Variants in ARSH observed in about 807,000 individuals in gnomAD.
ARSH encodes the protein arylsulfatase family member H.
Under a neutral mutation model 28.7 loss-of-function variants are expected in ARSH, and 32 were observed. The ratio of observed to expected loss-of-function variants is 1.11; its 90% CI spans 0.84 to 1.50. ARSH has a LOEUF of 1.50. ARSH is among the 40% of genes most tolerant of loss of function. The probability of loss-of-function intolerance (pLI) is 0.00; values close to 1 mark genes in which losing one functional copy is unlikely to be tolerated. For missense variants in ARSH, 440 were observed against 452.4 expected (o/e 0.97, Z 0.25); for synonymous variants, 176 against 177.3 (o/e 0.99, Z 0.06).
chrX:3,017,622 C>T (rs2089869545), intron 4 of ARSH, among the ~76,000 whole-genome samples: 1 of 111,743 alleles, frequency 8.9e-6, no homozygotes, highest in Admixed American at 9.6e-5. Flanking sequence ...ATTTATTTCT[C>T]TCTTGGGGTA....
At position 3,014,957 on chromosome X, in the gene ARSH, ATTTTAC is replaced by A; in HGVS notation, c.341-7_341-2del. 1 of 1,202,553 alleles carries A rather than the reference ATTTTAC, an allele frequency of 8.3e-7. No homozygotes were observed. The highest frequency in any genetic ancestry group is 1.1e-6 in the Non-Finnish European group (1 of 889,767). On this transcript the variant is annotated splice_region_variant and splice_polypyrimidine_tract_variant and intron_variant, in intron 3 of 8. Coordinates refer to ENST00000381130, the MANE Select transcript of ARSH (RefSeq NM_001011719.2). ...TGCCATGCTGCCATGGTACGATTTTATTTTACTTTTAGGCAAATGGCACCTGGGTTT... is the reference window on the plus strand; with the variant it reads ...TGCCATGCTGCCATGGTACGATTTTATTTTAGGCAAATGGCACCTGGGTTT...
At chrX:3,028,058 T>C (rs1386913585) in intron 7 of ARSH, among the ~76,000 whole-genome samples, 2 of 110,924 alleles carry the variant, frequency 1.8e-5, no homozygotes, top group African/African-American at 6.6e-5. Flanking sequence ...AGCCGAGATC[T>C]CGTCACTGCA....
At chrX:3,029,077 CA>C (rs377018684) in intron 7 of ARSH, among the ~76,000 whole-genome samples, 169 bp from the exon 8 acceptor site, 12,069 of 80,869 alleles carry the variant, frequency 0.15, 883 homozygotes, top group African/African-American at 0.27. Context: ...GACTCCATTT[CA>C]AAAAAAAAAA....
At chrX:3,016,564 C>T (rs113007951) in intron 4 of ARSH, among the ~76,000 whole-genome samples, 8,664 of 109,924 alleles carry the variant, frequency 0.079, 282 homozygotes, top group Non-Finnish European at 0.099. Context: ...CCAGCTCACT[C>T]CTACGTTACA....
At chrX:3,018,698 T>A (rs377735809) in intron 5 of ARSH, 28 bp downstream of exon 5, 25 of 1,202,037 alleles carry the variant, frequency 2.1e-5, no homozygotes, top group Non-Finnish European at 2.8e-5. Flanking sequence ...GAACTGTAAA[T>A]ATCTGAAGTA....
Position 3,016,286 on chromosome X carries a change from A to G in ARSH, c.764+893A>G, listed in dbSNP as rs1387092878. On this transcript the variant is annotated intron_variant, in intron 4 of 8. Transcript: ENST00000381130. ...TTTGGCCTCCCAAAGTACTGGGGAT[A>G]CACTACGCCTGGCCACTTACCCCTT... 2.7e-5 allele frequency among the ~76,000 whole-genome samples: 3 copies of G among 111,202 alleles called. No individual in the cohort carries two copies. The East Asian group carries it at 8.4e-4, about 31-fold the overall frequency.
chrX:3,018,710 G>A (rs1327764183), intron 5 of ARSH, 40 bp downstream of exon 5: 8 of 1,192,419 alleles, frequency 6.7e-6, no homozygotes, highest in Non-Finnish European at 9.1e-6. Flanking sequence ...TCTGAAGTAC[G>A]GGCTACAGAA....
chrX:3,018,558 CT>C lies in ARSH; in HGVS notation c.796del (p.Ser266ProfsTer28). On this transcript the variant is annotated frameshift_variant, in exon 5 of 9. Coordinates refer to ENST00000381130, the MANE Select transcript of ARSH (RefSeq NM_001011719.2). LOFTEE classifies it high-confidence loss of function. ...GGTACAAAAGGGAACCTTTTCTCCT[CT>C]TTTTTTCCTTCCTGCACGTACATAC... ...ERYKREPFLL[F>X]FSFLHVHTPL... 1 of 1,210,605 alleles carries C rather than the reference CT, an allele frequency of 8.3e-7. No homozygotes were observed. Among genetic ancestry groups the C allele is most frequent in the Non-Finnish European group, 1.1e-6 (1 of 894,916 alleles).
chrX:3,013,071 A>G lies in ARSH; in HGVS notation c.239A>G (p.Asn80Ser), dbSNP rs780303800. 9.5e-5 allele frequency: 115 copies of G among 1,208,680 alleles called. No individual in the cohort carries two copies. The South Asian group carries it at 1.9e-3, about 20-fold the overall frequency. Residue 80 changes from asparagine (N) to serine (S), a missense_variant, in exon 3 of 9, where the codon AAC becomes AGC. By Grantham distance (46) the Asn-to-Ser change is conservative. Transcript: ENST00000381130. ...GGGATGGTGTCTGCCTACAACCTGA[A>G]CCGTGCCTTCACGTGGCTTGGTGGG... ...RSGMVSAYNL[N>S]RAFTWLGGSG...
chrX:3,029,140 C>T, intron 7 of ARSH, 107 bp from the exon 8 acceptor site: 1 of 865,570 alleles, frequency 1.2e-6, no homozygotes, highest in East Asian at 3.3e-5. Flanking sequence ...TCTCTTCCTC[C>T]CCTTCCTTTT....
At chrX:3,020,160 G>A (rs1414618232) in intron 5 of ARSH, among the ~76,000 whole-genome samples, 4 of 104,413 alleles carry the variant, frequency 3.8e-5, no homozygotes, top group Non-Finnish European at 5.8e-5. Context: ...GGTGTCACAC[G>A]CACGCCTTGT....
rs775910561 is a variant in ARSH at position 3,011,448 on chromosome X, C to T, written c.214+1297C>T. Among the ~76,000 whole-genome samples, 3 of 110,714 alleles carry T rather than the reference C, an allele frequency of 2.7e-5. No homozygotes were observed. In the South Asian group the frequency reaches 1.2e-3, roughly 42 times the overall value. On this transcript the variant is annotated intron_variant, in intron 2 of 8. Transcript: ENST00000381130. Reference sequence around the variant, plus strand: ...ATTTTTAGTAGAGATGGGATTTCACCATGTTGGCCAGGCTGGTCTTGAATT... The same window carrying T: ...ATTTTTAGTAGAGATGGGATTTCACTATGTTGGCCAGGCTGGTCTTGAATT...
intron 5 of ARSH, among the ~76,000 whole-genome samples, chrX:3,021,152 G>C (rs771406528): frequency 2.7e-5 from 3 of 109,697 alleles, no homozygotes; most frequent in African/African-American, 9.9e-5. Context: ...TTATATAATT[G>C]GGATTTTTTT....
chrX:3,021,455 A>G (rs1407941073), intron 5 of ARSH, among the ~76,000 whole-genome samples: 1 of 111,532 alleles, frequency 9.0e-6, no homozygotes, highest in Non-Finnish European at 1.9e-5. Flanking sequence ...TAAAAATTCT[A>G]CCAAAATAAA....
At chrX:3,013,518 A>G (rs1203428493) in intron 3 of ARSH, among the ~76,000 whole-genome samples, 4 of 101,610 alleles carry the variant, frequency 3.9e-5, no homozygotes, top group African/African-American at 1.4e-4. Flanking sequence ...TTACAGCATT[A>G]AGAGTTGTCA....
chrX:3,031,851 G>T (rs778124922), intron 8 of ARSH, among the ~76,000 whole-genome samples: 1 of 111,055 alleles, frequency 9.0e-6, no homozygotes, highest in South Asian at 3.8e-4. Context: ...ATGGGACCAG[G>T]GTTCTTTTTT....
chrX:3,026,992 G>A (rs1278433714), intron 6 of ARSH, among the ~76,000 whole-genome samples: 3 of 110,690 alleles, frequency 2.7e-5, no homozygotes, highest in Non-Finnish European at 5.7e-5. Context: ...GGGACTACAG[G>A]CATGCACCAC....
intron 2 of ARSH, among the ~76,000 whole-genome samples, chrX:3,012,160 T>C (rs780248624): frequency 8.9e-6 from 1 of 111,955 alleles, no homozygotes; most frequent in East Asian, 2.8e-4. Flanking sequence ...TATTTATTTC[T>C]TGCTGATCTT....
In ARSH at chrX:3,029,487, C is replaced by T. The variant is rs189268670; in HGVS notation, c.1321+119C>T. 1.7e-3 allele frequency: 1,551 copies of T among 927,677 alleles called. 14 individuals carry two copies. In the African/African-American group the frequency reaches 0.026, roughly 16 times the overall value. 76.5% of individuals were successfully genotyped at this position (927,677 alleles called of 1,213,427 possible). A position where few individuals can be genotyped will look rare whatever the true frequency, so the allele number is the denominator to read the frequency against. ...TTGCCCAGCTATGATGGTTCTTTTT[C>T]GCTGAGAAAGCCACATAAACAGTGC... On this transcript the variant is annotated intron_variant, in intron 8 of 8. Transcript: ENST00000381130.
Sources: gnomAD v4.1 joint callset for allele counts (sites outside exome capture counted in the v4.1 genomes callset) on GRCh38, gnomAD v4.1.1 for gene constraint, MANE v1.5 for transcripts, NCBI Gene and HGNC (gene_info 2026-07-23, HGNC 2026-07-21) for gene names.